The following TENM3 variants were observed in gnomAD, a reference collection of about 807,000 sequenced individuals.
TENM3 encodes teneurin transmembrane protein 3.
In TENM3, 63 loss-of-function variants were observed where a neutral mutation model predicts 255.1. The observed-to-expected ratio is 0.25, with a 90% confidence interval of 0.20 to 0.30. The LOEUF (loss-of-function observed/expected upper bound fraction) is 0.30. TENM3 is among the 10% of genes least tolerant of loss of function. The pLI, the probability that TENM3 is intolerant of heterozygous loss-of-function variation, is 1.00. For synonymous variants in TENM3, 1,306 were observed against 1,322.3 expected (o/e 0.99, Z 0.27); for missense variants, 2,929 against 3,461.1 (o/e 0.85, Z 3.86).
chr4:182,506,126 C>T (rs1204107049), intron 3 of TENM3, among the ~76,000 whole-genome samples: 1 of 152,208 alleles, frequency 6.6e-6, no homozygotes. Flanking sequence ...AAAATTCTGA[C>T]TGAGCATGAA....
chr4:182,171,142 T>C (rs1752081172), intron 1 of TENM3, among the ~76,000 whole-genome samples: 1 of 152,194 alleles, frequency 6.6e-6, no homozygotes. Flanking sequence ...GAATAAAAAG[T>C]AGCTTTCAGC....
chr4:181,515,000 A>G, the TENM3 span, among the ~76,000 whole-genome samples: 1 of 152,206 alleles, frequency 6.6e-6, no homozygotes, highest in African/African-American at 2.4e-5. Flanking sequence ...GACTGGCTTT[A>G]TTAAAAAGTG....
intron 1 of TENM3, among the ~76,000 whole-genome samples, chr4:182,305,756 GTGTA>G (rs1463934862): frequency 5.3e-5 from 8 of 152,174 alleles, no homozygotes; most frequent in Admixed American, 5.2e-4. Context: ...ACTGTGTCCT[GTGTA>G]TGTGACTTTG....
At chr4:182,469,512 C>G (rs1732912973) in intron 3 of TENM3, among the ~76,000 whole-genome samples, 1 of 152,010 alleles carries the variant, frequency 6.6e-6, no homozygotes, top group Admixed American at 6.6e-5. Context: ...GTCAGGAGTT[C>G]AAGACCAGCC....
the TENM3 span, among the ~76,000 whole-genome samples, chr4:182,002,714 C>T: frequency 1.3e-5 from 2 of 152,062 alleles, no homozygotes; most frequent in African/African-American, 4.8e-5. Context: ...GTTACTCCTG[C>T]CCTTATTTAA....
chr4:181,922,841 G>C, the TENM3 span, among the ~76,000 whole-genome samples: 1 of 151,502 alleles, frequency 6.6e-6, no homozygotes, highest in Non-Finnish European at 1.5e-5. Context: ...TGTCAATTTT[G>C]GATCTTTCCT....
intron 3 of TENM3, among the ~76,000 whole-genome samples, chr4:182,456,472 A>G (rs1202639241): frequency 6.6e-6 from 1 of 152,174 alleles, no homozygotes; most frequent in East Asian, 1.9e-4. Flanking sequence ...GATAGGTGTT[A>G]GGTGTTTAGG....
At chr4:182,347,049 T>C (rs1764874894) in intron 3 of TENM3, 120 bp downstream of exon 3, 1 of 903,796 alleles carries the variant, frequency 1.1e-6, no homozygotes, top group Non-Finnish European at 1.6e-6. Context: ...TCTCTCTCTT[T>C]CTTGTCCATT....
chr4:182,589,240 C>T (rs1359747221), intron 3 of TENM3, among the ~76,000 whole-genome samples: 8 of 151,968 alleles, frequency 5.3e-5, no homozygotes, highest in African/African-American at 1.7e-4. Context: ...TATGTAAGCA[C>T]TCTTTATCTT....
the TENM3 span, among the ~76,000 whole-genome samples, chr4:181,860,437 CTG>C: frequency 2.6e-5 from 4 of 152,300 alleles, no homozygotes; most frequent in East Asian, 7.7e-4. Context: ...TGTTACATGA[CTG>C]TATCAAATTT....
At chr4:182,153,995 G>A (rs1054289131) in intron 1 of TENM3, among the ~76,000 whole-genome samples, 3 of 151,924 alleles carry the variant, frequency 2.0e-5, no homozygotes, top group African/African-American at 4.8e-5. Flanking sequence ...TGTAAGCCTC[G>A]TAGGGATTAT....
intron 3 of TENM3, among the ~76,000 whole-genome samples, chr4:182,443,104 C>T (rs955270790): frequency 6.6e-6 from 1 of 152,094 alleles, no homozygotes; most frequent in Non-Finnish European, 1.5e-5. Flanking sequence ...GAATTTGCTC[C>T]ATAATTAAAA....
intron 3 of TENM3, among the ~76,000 whole-genome samples, chr4:182,464,381 C>T (rs1236339645): frequency 6.6e-5 from 10 of 152,098 alleles, no homozygotes; most frequent in Non-Finnish European, 1.5e-4. Flanking sequence ...CTCAGCCTCC[C>T]GAGTAGCTGG....
At chr4:181,684,747 TG>T in the TENM3 span, among the ~76,000 whole-genome samples, 1 of 151,976 alleles carries the variant, frequency 6.6e-6, no homozygotes, top group Non-Finnish European at 1.5e-5. Flanking sequence ...GTCTGTTTTT[TG>T]TTTGTTTGTT....
the TENM3 span, among the ~76,000 whole-genome samples, chr4:181,591,877 A>C: frequency 6.6e-6 from 1 of 152,180 alleles, no homozygotes; most frequent in Non-Finnish European, 1.5e-5. Flanking sequence ...AATGCTACAC[A>C]GCAATACACA....
chr4:182,453,164 T>C (rs1234186589), intron 3 of TENM3, among the ~76,000 whole-genome samples: 1 of 152,170 alleles, frequency 6.6e-6, no homozygotes, highest in African/African-American at 2.4e-5. Flanking sequence ...TGAAATCCTA[T>C]GTATTTAAGT....
At chr4:182,260,779 T>C (rs1455002481) in intron 1 of TENM3, among the ~76,000 whole-genome samples, 1 of 152,192 alleles carries the variant, frequency 6.6e-6, no homozygotes, top group East Asian at 1.9e-4. Flanking sequence ...CATATAATAC[T>C]GACAACTATG....
intron 1 of TENM3, among the ~76,000 whole-genome samples, chr4:182,262,724 T>C (rs13147015): frequency 1.5e-3 from 172 of 111,350 alleles, no homozygotes; most frequent in Non-Finnish European, 2.4e-3. Context: ...TACTTTCTTT[T>C]TTTTTTTTTT....
the TENM3 span, among the ~76,000 whole-genome samples, chr4:182,082,533 A>G: frequency 6.6e-6 from 1 of 152,234 alleles, no homozygotes; most frequent in Non-Finnish European, 1.5e-5. Flanking sequence ...TTCAAAGCAC[A>G]ATTATATGAT....
Sources: gnomAD v4.1 joint callset for allele counts (sites outside exome capture counted in the v4.1 genomes callset) on GRCh38, gnomAD v4.1.1 for gene constraint, MANE v1.5 for transcripts, NCBI Gene and HGNC (gene_info 2026-07-23, HGNC 2026-07-21) for gene names.